Variants in GFRA3 observed in about 807,000 individuals in gnomAD.
The protein encoded by GFRA3 is GDNF family receptor alpha-3.
In GFRA3, 24 loss-of-function variants were observed where a neutral mutation model predicts 40.0. The observed-to-expected ratio is 0.60, with a 90% CI of 0.43 to 0.84. The LOEUF is 0.84. Ranked by LOEUF, GFRA3 falls within the 40% of genes least tolerant of loss-of-function variation. GFRA3 has a pLI of 0.00. For missense variants in GFRA3, 405 were observed against 530.6 expected (o/e 0.76, Z 2.33); for synonymous variants, 203 against 213.5 (o/e 0.95, Z 0.43).
intron 1 of GFRA3, among the ~76,000 whole-genome samples, chr5:138,266,672 C>CTTTCTTTTCT (rs147567909): frequency 2.5e-4 from 37 of 150,448 alleles, no homozygotes; most frequent in Admixed American, 1.1e-3. Flanking sequence ...CTTTTTCTTT[C>CTTTCTTTTCT]TTTCTTTTCT....
intron 4 of GFRA3, 47 bp downstream of exon 4, chr5:138,257,592 T>A: frequency 6.7e-7 from 1 of 1,503,204 alleles, no homozygotes; most frequent in Non-Finnish European, 9.0e-7. Context: ...CAGGAAGGAG[T>A]GGCGTGTGCC....
At chr5:138,270,486 T>C (rs1184030993) in intron 1 of GFRA3, among the ~76,000 whole-genome samples, 1 of 151,264 alleles carries the variant, frequency 6.6e-6, no homozygotes, top group East Asian at 1.9e-4. Context: ...TCGTATATTC[T>C]CACTGATATG....
rs772972374 is a variant in GFRA3, at chr5:138,264,541, G to A, written c.99C>T (p.Pro33=). The A allele has an allele frequency of 1.9e-6, 3 of 1,601,456 alleles. No individual in the cohort carries two copies. In the South Asian group the frequency reaches 3.4e-5, roughly 18 times the overall value. The part of the protein sequence containing the change: ...PSPLPLAAGD[P]LPTESRLMNS... The stretch of plus-strand genomic sequence containing the variant: ...TCATGAGTCGGCTTTCTGTGGGAAG[G>A]GGGTCTCCTGTAAAGGGAGATACCA... The change falls in exon 2 of 8, where the codon CCC becomes CCT. Residue 33 remains proline (P), a synonymous_variant. Coordinates refer to ENST00000274721, the MANE Select transcript of GFRA3 (RefSeq NM_001496.4).
intron 1 of GFRA3, 122 bp downstream of exon 1, chr5:138,274,212 T>G (rs914298442): frequency 8.0e-7 from 1 of 1,245,620 alleles, no homozygotes; most frequent in African/African-American, 1.5e-5. Flanking sequence ...CCAGTTCCCC[T>G]TGTTCGGCTC....
In GFRA3 at chr5:138,257,791, G is replaced by C. The variant is rs915081765; in HGVS notation, c.633C>G (p.His211Gln). 1.2e-6 allele frequency: 2 copies of C among 1,612,856 alleles called. No individual in the cohort carries two copies. Among genetic ancestry groups the C allele is most frequent in the Non-Finnish European group, 1.7e-6 (2 of 1,179,414 alleles). Reference sequence around the variant, plus strand: ...ATGGGCACAGTAGCAGGCCCTGCGCGTGGGGCTCGGCGGCCTTCTCGAAGA... The same window carrying C: ...ATGGGCACAGTAGCAGGCCCTGCGCCTGGGGCTCGGCGGCCTTCTCGAAGA... ...LTFFEKAAEP[H>Q]AQGLLLCPCA... The change falls in exon 4 of 8, where the codon CAC becomes CAG. Residue 211 changes from histidine to glutamine, a missense_variant. His to Gln is a conservative substitution (Grantham distance 24). Transcript: ENST00000274721.
chr5:138,252,749 T>G lies in GFRA3; in HGVS notation c.*219A>C, dbSNP rs1755566501. On this transcript the variant is annotated 3_prime_UTR_variant, in exon 8 of 8. Transcript: ENST00000274721. ...TCACCACCAGATGACATGGCTAAAT[T>G]GTGGCCACCAAGGAGGGGCAGCATG... is the stretch of plus-strand genomic sequence containing the variant. 6.6e-6 allele frequency: 3 copies of G among 456,038 alleles called. No individual in the cohort carries two copies. The allele number at this position is 456,038 out of a possible 1,614,324, so 28.2% of individuals were successfully genotyped here.
chr5:138,266,364 T>A (rs1012852768), intron 1 of GFRA3, among the ~76,000 whole-genome samples: 7 of 152,206 alleles, frequency 4.6e-5, no homozygotes, highest in African/African-American at 1.7e-4. Context: ...ATTATAACCA[T>A]CCTTGTGAGC....
At position 138,274,361 on chromosome 5, in the gene GFRA3, G is replaced by A. The variant is rs1358185832; in HGVS notation, c.64C>T (p.Pro22Ser). ...GCTGCGAGAGGCAGCGGCGACGGCG[G>A]CAGCAGCAGCAGCAACATCAGGACT... is the stretch of plus-strand genomic sequence containing the variant. ...PVVLMLLLLL[P>S]PSPLPLAAGD... is the part of the protein sequence containing the mutation. Residue 22 changes from proline to serine, a missense_variant, in exon 1 of 8, where the codon CCG (proline) becomes TCG (serine). Pro to Ser is a moderately conservative substitution (Grantham distance 74). Transcript: ENST00000274721. The A allele has an allele frequency of 7.5e-7, 1 of 1,325,436 alleles. No homozygotes were observed. Among genetic ancestry groups the A allele is most frequent in the Non-Finnish European group, 9.7e-7 (1 of 1,033,610 alleles). 82.1% of individuals were successfully genotyped at this position (1,325,436 alleles called of 1,614,324 possible).
intron 4 of GFRA3, among the ~76,000 whole-genome samples, chr5:138,256,720 A>T (rs1411291469): frequency 1.3e-5 from 2 of 152,022 alleles, no homozygotes; most frequent in Non-Finnish European, 2.9e-5. Context: ...AGGCCAAAGC[A>T]GGTGGATCAC....
chr5:138,266,512 G>C (rs1755787144), intron 1 of GFRA3, among the ~76,000 whole-genome samples: 1 of 152,114 alleles, frequency 6.6e-6, no homozygotes, highest in Admixed American at 6.6e-5. Flanking sequence ...ACACAGAAAA[G>C]TACATGAATC....
rs1308936774 is a variant in GFRA3, at chr5:138,274,600, C to G, written c.-176G>C. The stretch of plus-strand genomic sequence containing the variant: ...CCAACTCCGAAGCGCGCGTCCACAC[C>G]ACGCGCCTCCAGCGCTGGTCCGAGG... On this transcript the variant is annotated 5_prime_UTR_variant, in exon 1 of 8. Coordinates refer to ENST00000274721, the MANE Select transcript of GFRA3 (RefSeq NM_001496.4). 5.7e-6 allele frequency: 7 copies of G among 1,224,096 alleles called. No individual in the cohort carries two copies. Among genetic ancestry groups the G allele is most frequent in the Non-Finnish European group, 6.1e-6 (6 of 983,436 alleles). The allele number at this position is 1,224,096 out of a possible 1,614,324, so 75.8% of individuals were successfully genotyped here.
chr5:138,263,048 T>A (rs1390784158), intron 2 of GFRA3, among the ~76,000 whole-genome samples: 2 of 152,196 alleles, frequency 1.3e-5, no homozygotes, highest in Admixed American at 6.5e-5. Context: ...CACTGCAACC[T>A]CTGCTTCCCG....
rs1407751408 is a variant in GFRA3 at position 138,257,938 on chromosome 5, G to A, written c.486C>T (p.Cys162=). 2 of 1,614,062 alleles carry A rather than the reference G, an allele frequency of 1.2e-6. No homozygotes were observed. The highest frequency in any genetic ancestry group is 1.1e-5 in the South Asian group (1 of 91,090). Residue 162 remains cysteine (C), a synonymous_variant, in exon 4 of 8, where the codon TGC becomes TGT. Transcript: ENST00000274721. ...GAGTACACAGCATGGCAAACTTGAGGCAGAGGTCTGAGTCTGGGGGGAAAG... is the reference window on the plus strand; with the variant it reads ...GAGTACACAGCATGGCAAACTTGAGACAGAGGTCTGAGTCTGGGGGGAAAG... ...LNMLKPDSDL[C]LKFAMLCTLN...
intron 1 of GFRA3, chr5:138,267,443 T>G (rs1407560289): frequency 1.3e-5 from 2 of 152,496 alleles, no homozygotes; most frequent in African/African-American, 4.8e-5. Flanking sequence ...CCATCTGCCT[T>G]GGCCTCCCAA....
intron 4 of GFRA3, among the ~76,000 whole-genome samples, chr5:138,255,814 C>T (rs1027143036): frequency 1.3e-5 from 2 of 151,292 alleles, no homozygotes; most frequent in Non-Finnish European, 2.9e-5. Context: ...GCTGGAGAAT[C>T]GCTTGAACCC....
rs1465313465 is a variant in GFRA3 at position 138,274,349 on chromosome 5, GCGGCGA to G, written c.70_75del (p.Ser24_Pro25del). The stretch of plus-strand genomic sequence containing the variant: ...TGACACTCACCGGCTGCGAGAGGCA[GCGGCGA>G]CGGCGGCAGCAGCAGCAGCAACATC... On this transcript the variant is annotated inframe_deletion, in exon 1 of 8. Coordinates refer to ENST00000274721, the MANE Select transcript of GFRA3 (RefSeq NM_001496.4). 54 of 1,339,616 alleles carry G rather than the reference GCGGCGA, an allele frequency of 4.0e-5. No homozygotes were observed. Among genetic ancestry groups the G allele is most frequent in the Non-Finnish European group, 5.1e-5 (53 of 1,040,898 alleles). The allele number at this position is 1,339,616 out of a possible 1,614,324, so 83.0% of individuals were successfully genotyped here. A position where few individuals can be genotyped will look rare whatever the true frequency, so the allele number is the denominator to read the frequency against.
intron 1 of GFRA3, among the ~76,000 whole-genome samples, chr5:138,267,910 C>T (rs1461546019): frequency 6.6e-6 from 1 of 152,132 alleles, no homozygotes; most frequent in African/African-American, 2.4e-5. Flanking sequence ...TTTCAACAAA[C>T]GGTGCTGGGA....
At chr5:138,253,505 G>A (rs1755580696) in intron 6 of GFRA3, 130 bp from the exon 7 acceptor site, 2 of 712,182 alleles carry the variant, frequency 2.8e-6, no homozygotes, top group African/African-American at 3.5e-5. Flanking sequence ...GGTGGAAGTG[G>A]GATACTCTCT....
chr5:138,263,060 G>A (rs570874468), intron 2 of GFRA3, among the ~76,000 whole-genome samples: 6 of 152,236 alleles, frequency 3.9e-5, no homozygotes, highest in East Asian at 1.9e-4. Flanking sequence ...TGCTTCCCGG[G>A]TTCAAGTGAT....
Sources: gnomAD v4.1 joint callset for allele counts (sites outside exome capture counted in the v4.1 genomes callset) on GRCh38, gnomAD v4.1.1 for gene constraint, MANE v1.5 for transcripts, NCBI Gene and HGNC (gene_info 2026-07-23, HGNC 2026-07-21) for gene names.